Variants in PLCL2 observed in about 807,000 individuals in gnomAD.
PLCL2 encodes the protein inactive phospholipase C-like protein 2.
A neutral mutation model predicts 79.6 loss-of-function variants in PLCL2; 4 were observed. The observed-to-expected ratio is 0.05, with a 90% CI of 0.02 to 0.11. PLCL2 has a LOEUF of 0.11. Among genes scored for constraint, PLCL2 ranks in the 10% least tolerant of loss-of-function variants. PLCL2 has a pLI of 1.00. For missense variants in PLCL2, 895 were observed against 1,291.0 expected, an observed-to-expected ratio of 0.69 and a Z score of 4.70; for synonymous variants, 484 against 457.7, an observed-to-expected ratio of 1.06 and a Z score of -0.73.
chr3:17,055,767 G>A (rs2064885956), intron 4 of PLCL2, among the ~76,000 whole-genome samples: 2 of 152,068 alleles, frequency 1.3e-5, no homozygotes, highest in Non-Finnish European at 2.9e-5. Flanking sequence ...GTAGAGCAGA[G>A]CAGGCCCTCT....
chr3:17,028,040 C>T (rs374247979), intron 3 of PLCL2, among the ~76,000 whole-genome samples: 1 of 152,108 alleles, frequency 6.6e-6, no homozygotes, highest in Admixed American at 6.5e-5. Context: ...GGTTGTGCTG[C>T]TTGGTAATGA....
intron 3 of PLCL2, among the ~76,000 whole-genome samples, chr3:17,015,858 A>G (rs2064378205): frequency 1.3e-5 from 2 of 152,214 alleles, no homozygotes; most frequent in South Asian, 4.1e-4. Flanking sequence ...TGAAAGCTGT[A>G]ATTTAGAGGG....
At chr3:17,029,894 G>A (rs1459257940) in intron 3 of PLCL2, among the ~76,000 whole-genome samples, 3 of 152,122 alleles carry the variant, frequency 2.0e-5, no homozygotes, top group Non-Finnish European at 4.4e-5. Context: ...GGCTCCCAGG[G>A]CAACAGAAGA....
At chr3:16,949,180 G>A (rs764996791) in intron 1 of PLCL2, among the ~76,000 whole-genome samples, 8 of 150,764 alleles carry the variant, frequency 5.3e-5, no homozygotes, top group Non-Finnish European at 1.0e-4. Context: ...TATGTGCAAA[G>A]CTCTTCTCTA....
chr3:16,950,416 A>C (rs1450684026), intron 1 of PLCL2, among the ~76,000 whole-genome samples: 2 of 152,120 alleles, frequency 1.3e-5, no homozygotes, highest in Non-Finnish European at 2.9e-5. Context: ...TTAAGAGCTA[A>C]TAATTTCTGG....
At chr3:17,074,677 TA>T (rs1158604526) in intron 5 of PLCL2, among the ~76,000 whole-genome samples, 1 of 152,254 alleles carries the variant, frequency 6.6e-6, no homozygotes, top group African/African-American at 2.4e-5. Context: ...TGATCTTGGC[TA>T]AATCTTCTGG....
At chr3:16,942,877 C>A (rs553494436) in intron 1 of PLCL2, among the ~76,000 whole-genome samples, 44 of 152,284 alleles carry the variant, frequency 2.9e-4, no homozygotes, top group African/African-American at 1.0e-3. Context: ...TCATAGACCA[C>A]GTATCTAAAA....
intron 5 of PLCL2, among the ~76,000 whole-genome samples, chr3:17,070,595 A>G (rs2065052306): frequency 6.6e-6 from 1 of 152,134 alleles, no homozygotes; most frequent in Admixed American, 6.5e-5. Context: ...TTTCTGTAGA[A>G]TGGGGTTTTT....
chr3:17,081,171 T>C, intron 5 of PLCL2: 1 of 456,744 alleles, frequency 2.2e-6, no homozygotes, highest in South Asian at 1.5e-5. Flanking sequence ...TGTGTTCCTC[T>C]CTGCATTCCC....
intron 1 of PLCL2, among the ~76,000 whole-genome samples, chr3:16,899,868 T>A (rs1295995638): frequency 2.6e-5 from 3 of 117,052 alleles, no homozygotes; most frequent in Non-Finnish European, 4.9e-5. Context: ...CAAGAAACTA[T>A]CCTATTTTAG....
At chr3:17,042,490 A>T (rs1251260228) in intron 3 of PLCL2, among the ~76,000 whole-genome samples, 8 of 152,186 alleles carry the variant, frequency 5.3e-5, no homozygotes, top group Admixed American at 5.2e-4. Context: ...TAGGTGTTGA[A>T]GTTTTCTATA....
At chr3:17,087,009 C>T (rs893646177) in intron 5 of PLCL2, among the ~76,000 whole-genome samples, 2 of 152,132 alleles carry the variant, frequency 1.3e-5, no homozygotes, top group Admixed American at 6.5e-5. Context: ...CAAATGCTGG[C>T]GAGGATGTGA....
chr3:16,983,792 A>T (rs2064022888), intron 1 of PLCL2, among the ~76,000 whole-genome samples: 1 of 152,210 alleles, frequency 6.6e-6, no homozygotes, highest in Non-Finnish European at 1.5e-5. Flanking sequence ...GACCCTTTCT[A>T]CTTTATCTAG....
At chr3:16,929,887 T>A (rs975320000) in intron 1 of PLCL2, among the ~76,000 whole-genome samples, 2 of 152,184 alleles carry the variant, frequency 1.3e-5, no homozygotes, top group African/African-American at 4.8e-5. Context: ...GTCTTTGGGC[T>A]TTGTTTATAG....
intron 1 of PLCL2, among the ~76,000 whole-genome samples, chr3:16,993,123 A>T (rs1331833621): frequency 2.0e-5 from 3 of 152,212 alleles, no homozygotes; most frequent in African/African-American, 7.2e-5. Context: ...CTTTGATTGT[A>T]CCTGCATTTC....
At chr3:16,953,779 A>C (rs2063674263) in intron 1 of PLCL2, among the ~76,000 whole-genome samples, 1 of 152,096 alleles carries the variant, frequency 6.6e-6, no homozygotes, top group African/African-American at 2.4e-5. Context: ...TTTTTTAATC[A>C]AACATAATAG....
rs556401533 is a variant in PLCL2 at position 17,032,240 on chromosome 3, A to G, written c.3019-10634A>G. Among the ~76,000 whole-genome samples, 76 of 152,244 alleles carry G rather than the reference A, an allele frequency of 5.0e-4. 2 individuals are homozygous for G. Among genetic ancestry groups the G allele is most frequent in the Admixed American group, 1.8e-3 (28 of 15,262 alleles). On this transcript the variant is annotated intron_variant, in intron 3 of 5. Coordinates refer to ENST00000615277, the MANE Select transcript of PLCL2 (RefSeq NM_001144382.2). ...CTTTTCAAACTATTGCCTCTGGTCT[A>G]TTTAAATGTATTGGGGACCACATGG...
At chr3:17,063,821 A>G (rs1015055653) in intron 4 of PLCL2, among the ~76,000 whole-genome samples, 1 of 152,190 alleles carries the variant, frequency 6.6e-6, no homozygotes. Flanking sequence ...GCATCCCCAT[A>G]GTGGGAGTCT....
chr3:16,962,025 A>G (rs2063759726), intron 1 of PLCL2, among the ~76,000 whole-genome samples: 1 of 152,142 alleles, frequency 6.6e-6, no homozygotes, highest in Non-Finnish European at 1.5e-5. Context: ...AGCAAGCTGA[A>G]TGGCAGTTGA....
Sources: allele counts gnomAD v4.1 joint callset (sites outside exome capture counted in the v4.1 genomes callset), GRCh38; gene constraint gnomAD v4.1.1; transcripts MANE v1.5; gene names NCBI Gene and HGNC (gene_info 2026-07-23, HGNC 2026-07-21).